The following SLC22A23 variants were observed in gnomAD, a reference collection of about 807,000 sequenced individuals.
SLC22A23 encodes solute carrier family 22 member 23.
Under a neutral mutation model 61.0 loss-of-function variants are expected in SLC22A23, and 26 were observed. That is an observed-to-expected ratio of 0.43 (90% CI 0.31 to 0.59). The LOEUF is 0.59. Among genes scored for constraint, SLC22A23 ranks in the 20% least tolerant of loss-of-function variants. The pLI is 0.11. For missense variants in SLC22A23, 796 were observed against 934.7 expected (o/e 0.85, Z 1.94); for synonymous variants, 430 against 413.9 (o/e 1.04, Z -0.47).
In SLC22A23 at chr6:3,386,543, G is replaced by GA. The variant is rs1404635828; in HGVS notation, c.913+23644dup. Reference sequence around the variant, plus strand: ...GTTCTGAGGCAGCCTTGTTCTTCCAGACACAGAGGAGGCTGGCACTGCCAG... The same window carrying GA: ...GTTCTGAGGCAGCCTTGTTCTTCCAGAACACAGAGGAGGCTGGCACTGCCAG... On this transcript the variant is annotated intron_variant, in intron 3 of 9. Transcript: ENST00000406686. This position sits in a 1 kb window ranked among gnomAD's most constrained non-coding sequence, Gnocchi z 4.4. Among the ~76,000 whole-genome samples the GA allele has an allele frequency of 1.3e-5, 2 of 152,234 alleles. No individual in the cohort carries two copies. The highest frequency in any genetic ancestry group is 2.9e-5 in the Non-Finnish European group (2 of 68,032).
rs978267732 is a variant in SLC22A23, at chr6:3,309,420, G to A, written c.1083-11202C>T. Among the ~76,000 whole-genome samples the A allele has an allele frequency of 1.3e-5, 2 of 152,170 alleles. No individual in the cohort carries two copies. Among genetic ancestry groups the A allele is most frequent in the Non-Finnish European group, 2.9e-5 (2 of 68,028 alleles). ...AAACACAGACTTGCTTCACAGAGGC[G>A]CGCCCAGGGTCTTCAGACAACTGAA... On this transcript the variant is annotated intron_variant, in intron 4 of 9. Transcript: ENST00000406686. This position sits in a 1 kb window ranked among gnomAD's most constrained non-coding sequence, Gnocchi z 4.7.
intron 5 of SLC22A23, chr6:3,290,743 A>C (rs1393473335): frequency 3.3e-5 from 5 of 152,648 alleles, no homozygotes; most frequent in African/African-American, 1.2e-4. Context: ...GCTGGCCTCC[A>C]GGAGCTGTCT....
At chr6:3,418,869 G>A (rs1411396951) in intron 1 of SLC22A23, among the ~76,000 whole-genome samples, 1 of 152,196 alleles carries the variant, frequency 6.6e-6, no homozygotes. Flanking sequence ...GTAGCGCTGG[G>A]GGAACCCATG....
At position 3,448,424 on chromosome 6, in the gene SLC22A23, C is replaced by A. The variant is rs1772015238; in HGVS notation, c.654+7482G>T. ...TCAGAGTCAATAGAAGCCAAGCTGG[C>A]TCCCACACACCACCAGTTTGTGGCA... On this transcript the variant is annotated intron_variant, in intron 1 of 9. Transcript: ENST00000406686. 2.6e-5 allele frequency among the ~76,000 whole-genome samples: 4 copies of A among 152,194 alleles called. No homozygotes were observed. The South Asian group carries it at 8.3e-4, about 31-fold the overall frequency.
rs12208859 is a variant in SLC22A23, at chr6:3,442,082, C to T, written c.654+13824G>A. Among the ~76,000 whole-genome samples the T allele has an allele frequency of 4.3e-3, 653 of 152,308 alleles. 4 individuals carry two copies. Among genetic ancestry groups the T allele is most frequent in the Non-Finnish European group, 8.2e-3 (555 of 68,032 alleles). ...AGAATGTGGTGCAGGCACACAATGG[C>T]GTATTCCTCAGTCTAAGGCAGGCAG... On this transcript the variant is annotated intron_variant, in intron 1 of 9. Transcript: ENST00000406686.
At chr6:3,435,522 C>T (rs1771150692) in intron 1 of SLC22A23, among the ~76,000 whole-genome samples, 1 of 152,152 alleles carries the variant, frequency 6.6e-6, no homozygotes, top group African/African-American at 2.4e-5. Flanking sequence ...GGATTGTGAA[C>T]ACGGCAGCCA....
intron 1 of SLC22A23, among the ~76,000 whole-genome samples, chr6:3,447,253 TC>T (rs1373239715): frequency 6.6e-6 from 1 of 152,148 alleles, no homozygotes; most frequent in African/African-American, 2.4e-5. Context: ...CACACATCTC[TC>T]CTCTTTTGCC....
intron 4 of SLC22A23, among the ~76,000 whole-genome samples, chr6:3,307,621 G>A (rs377623041): frequency 3.9e-5 from 6 of 152,186 alleles, no homozygotes; most frequent in Non-Finnish European, 7.3e-5. Flanking sequence ...GACGTATCTC[G>A]GATCAGCGAG....
chr6:3,320,970 T>C (rs4546534), intron 4 of SLC22A23, among the ~76,000 whole-genome samples: 70,657 of 151,978 alleles, frequency 0.46, 16,819 homozygotes, highest in East Asian at 0.61. Flanking sequence ...TGACAGGCAC[T>C]GTTCTAAATG....
Position 3,342,409 on chromosome 6 carries a change from T to C in SLC22A23, c.914-18407A>G, listed in dbSNP as rs558027450. Among the ~76,000 whole-genome samples the C allele has an allele frequency of 6.6e-6, 1 of 152,306 alleles. No homozygotes were observed. Among genetic ancestry groups the C allele is most frequent in the Non-Finnish European group, 1.5e-5 (1 of 68,016 alleles). On this transcript the variant is annotated intron_variant, in intron 3 of 9. Coordinates refer to ENST00000406686, the MANE Select transcript of SLC22A23 (RefSeq NM_015482.2). This position sits in a 1 kb window ranked among gnomAD's most constrained non-coding sequence, Gnocchi z 4.0. Reference sequence around the variant, plus strand: ...GAATGAAGTACAGCCCCAGAAACTATGGAAGTGAGGCCACTAGGGTTCACG... The same window carrying C: ...GAATGAAGTACAGCCCCAGAAACTACGGAAGTGAGGCCACTAGGGTTCACG...
At position 3,381,310 on chromosome 6, in the gene SLC22A23, A is replaced by T. The variant is rs554897417; in HGVS notation, c.913+28878T>A. 4.0e-4 allele frequency among the ~76,000 whole-genome samples: 60 copies of T among 151,748 alleles called. 1 individual carries two copies. The South Asian group carries it at 6.5e-3, about 16-fold the overall frequency. On this transcript the variant is annotated intron_variant, in intron 3 of 9. Transcript: ENST00000406686. ...GGTCCATCTGCCCATTAACCACAGCACTGTAGTACAGTGGGGGCTCAGCCA... is the reference window on the plus strand; with the variant it reads ...GGTCCATCTGCCCATTAACCACAGCTCTGTAGTACAGTGGGGGCTCAGCCA...
chr6:3,273,206 G>C lies in SLC22A23; in HGVS notation c.1910C>G (p.Thr637Arg), dbSNP rs774103528. The C allele has an allele frequency of 1.9e-6, 3 of 1,613,218 alleles. No individual in the cohort carries two copies. The African/African-American group carries it at 4.0e-5, about 21-fold the overall frequency. ...PENISNGEHY[T>R]RQPLLPHKKG... ...CTTGTGCGGCAGCAGCGGCTGGCGC[G>C]TGTAGTGCTCCCCGTTAGAAATGTT... The change falls in exon 10 of 10, where the codon ACG becomes AGG. Residue 637 changes from threonine to arginine, a missense_variant. Physicochemically the swap from Thr to Arg is moderately conservative, Grantham distance 71. Coordinates refer to ENST00000406686, the MANE Select transcript of SLC22A23 (RefSeq NM_015482.2).
chr6:3,287,673 C>CT (rs1239873832), intron 6 of SLC22A23, among the ~76,000 whole-genome samples: 25 of 63,912 alleles, frequency 3.9e-4, no homozygotes, highest in Non-Finnish European at 4.4e-4. Flanking sequence ...CCACAGGAAA[C>CT]TGTTTTTTTT....
intron 1 of SLC22A23, among the ~76,000 whole-genome samples, chr6:3,430,285 C>G (rs1236392277): frequency 6.6e-6 from 1 of 152,158 alleles, no homozygotes; most frequent in Non-Finnish European, 1.5e-5. Context: ...CCTTTCTCCC[C>G]AAGCTTGTCC....
At chr6:3,288,469 C>T (rs1337699084) in intron 6 of SLC22A23, among the ~76,000 whole-genome samples, 1 of 152,212 alleles carries the variant, frequency 6.6e-6, no homozygotes, top group East Asian at 1.9e-4. Context: ...AATCCAGCAA[C>T]TGATTTGGTT....
At chr6:3,437,467 C>G (rs1329783717) in intron 1 of SLC22A23, among the ~76,000 whole-genome samples, 2 of 151,690 alleles carry the variant, frequency 1.3e-5, no homozygotes, top group Non-Finnish European at 2.9e-5. Context: ...CATGAGGTCA[C>G]GAGATGGAGA....
At chr6:3,301,461 T>C (rs894164238) in intron 4 of SLC22A23, among the ~76,000 whole-genome samples, 2 of 152,246 alleles carry the variant, frequency 1.3e-5, no homozygotes, top group African/African-American at 4.8e-5. Context: ...ATTTCGCAGG[T>C]AGTCTCTACA....
At chr6:3,312,682 T>A (rs984822278) in intron 4 of SLC22A23, 2 of 152,290 alleles carry the variant, frequency 1.3e-5, no homozygotes, top group Non-Finnish European at 2.9e-5. Context: ...CCCCTTGTCC[T>A]CATTCCAACC....
chr6:3,397,846 G>C (rs1222142243), intron 3 of SLC22A23, among the ~76,000 whole-genome samples: 1 of 152,122 alleles, frequency 6.6e-6, no homozygotes, highest in Non-Finnish European at 1.5e-5. Context: ...GCTGTATATG[G>C]TTCTTTCTAA....
Sources: allele counts gnomAD v4.1 joint callset (sites outside exome capture counted in the v4.1 genomes callset), GRCh38; gene constraint gnomAD v4.1.1; non-coding constraint Gnocchi (gnomAD v3.1); transcripts MANE v1.5; gene names NCBI Gene and HGNC (gene_info 2026-07-23, HGNC 2026-07-21).